NCAM2: variants seen among roughly 807,000 people sequenced by gnomAD.
The protein encoded by NCAM2 is N-CAM-2.
NCAM2 carries 30 observed loss-of-function variants against 98.1 expected under a neutral mutation model. The observed-to-expected ratio is 0.31, with a 90% CI of 0.23 to 0.41. The LOEUF (loss-of-function observed/expected upper bound fraction) is 0.41, where lower values mean the gene tolerates loss of function less well. Ranked by LOEUF, NCAM2 falls within the 10% of genes least tolerant of loss-of-function variation. The pLI is 1.00. For missense variants in NCAM2, 867 were observed against 1,005.8 expected (o/e 0.86, Z 1.87); for synonymous variants, 368 against 342.4 (o/e 1.07, Z -0.83).
At chr21:21,121,495 A>C (rs908409806) in intron 1 of NCAM2, among the ~76,000 whole-genome samples, 2 of 152,180 alleles carry the variant, frequency 1.3e-5, no homozygotes, top group African/African-American at 4.8e-5. Context: ...TGAATGTATG[A>C]ATGACTTTGA....
intron 15 of NCAM2, among the ~76,000 whole-genome samples, chr21:21,504,090 T>C (rs1463821062): frequency 2.0e-5 from 3 of 151,968 alleles, no homozygotes; most frequent in Non-Finnish European, 4.4e-5. Flanking sequence ...ATGTATTTGC[T>C]GTATTGCTGT....
chr21:21,385,371 A>AAC (rs543136137), intron 9 of NCAM2, among the ~76,000 whole-genome samples: 4,498 of 110,184 alleles, frequency 0.041, 188 homozygotes, highest in African/African-American at 0.12. Context: ...CACAATGTTA[A>AAC]ACACACACAC....
intron 9 of NCAM2, among the ~76,000 whole-genome samples, chr21:21,396,648 T>C (rs232441): frequency 0.86 from 131,577 of 152,216 alleles, 57,161 homozygotes; most frequent in African/African-American, 0.96. Context: ...GCCAGGCACT[T>C]CAGCTGCTGT....
At chr21:21,534,981 GATAAA>G (rs1324490369) in intron 17 of NCAM2, among the ~76,000 whole-genome samples, 1 of 151,982 alleles carries the variant, frequency 6.6e-6, no homozygotes, top group Non-Finnish European at 1.5e-5. Context: ...TCTCTTTCAA[GATAAA>G]ATAATTATAT....
intron 15 of NCAM2, among the ~76,000 whole-genome samples, chr21:21,486,744 A>G (rs1053795816): frequency 6.6e-6 from 1 of 152,196 alleles, no homozygotes; most frequent in Non-Finnish European, 1.5e-5. Flanking sequence ...AGTTTTACAT[A>G]TCATAACTCA....
chr21:21,275,181 C>T (rs2072678581), intron 1 of NCAM2, among the ~76,000 whole-genome samples: 3 of 152,130 alleles, frequency 2.0e-5, no homozygotes. Context: ...TGGCTCACGC[C>T]TGTAATCCCA....
intron 16 of NCAM2, among the ~76,000 whole-genome samples, chr21:21,527,593 C>T (rs1412765516): frequency 6.6e-6 from 1 of 151,908 alleles, no homozygotes; most frequent in Non-Finnish European, 1.5e-5. Flanking sequence ...AGTAAATAAG[C>T]TTATGAAAAG....
At chr21:21,098,262 G>A (rs1207381866) in intron 1 of NCAM2, among the ~76,000 whole-genome samples, 1 of 151,546 alleles carries the variant, frequency 6.6e-6, no homozygotes, top group Non-Finnish European at 1.5e-5. Flanking sequence ...TTATAAAAAT[G>A]TGCCTTGGTA....
chr21:21,445,902 T>C (rs1005395164), intron 12 of NCAM2, among the ~76,000 whole-genome samples: 2 of 152,200 alleles, frequency 1.3e-5, no homozygotes, highest in Non-Finnish European at 2.9e-5. Context: ...TTTTGCAAAC[T>C]AGTTGATGCA....
At chr21:21,379,711 T>G (rs2076110082) in intron 9 of NCAM2, among the ~76,000 whole-genome samples, 2 of 152,116 alleles carry the variant, frequency 1.3e-5, no homozygotes. Flanking sequence ...GAAAAGCACA[T>G]ATATTCTGTA....
At chr21:21,440,318 T>C (rs1979045266) in intron 12 of NCAM2, among the ~76,000 whole-genome samples, 1 of 152,172 alleles carries the variant, frequency 6.6e-6, no homozygotes, top group Non-Finnish European at 1.5e-5. Context: ...ATATTAGTAG[T>C]AAATAAACTA....
At chr21:21,509,944 C>A (rs899542306) in intron 16 of NCAM2, among the ~76,000 whole-genome samples, 3 of 152,106 alleles carry the variant, frequency 2.0e-5, no homozygotes, top group Non-Finnish European at 4.4e-5. Context: ...GAGTTCAGGA[C>A]ATTCCCTTTA....
intron 1 of NCAM2, among the ~76,000 whole-genome samples, chr21:21,233,676 A>G (rs1421053412): frequency 6.6e-6 from 1 of 151,728 alleles, no homozygotes; most frequent in Non-Finnish European, 1.5e-5. Flanking sequence ...TTTTGGCATC[A>G]CCCACTATAG....
At chr21:21,188,589 G>A (rs2212624) in intron 1 of NCAM2, among the ~76,000 whole-genome samples, 70,035 of 151,914 alleles carry the variant, frequency 0.46, 16,844 homozygotes, top group South Asian at 0.6. Context: ...TTAATAGTAA[G>A]CAAGACTCTG....
At chr21:21,520,521 AATATC>A (rs1988955805) in intron 16 of NCAM2, among the ~76,000 whole-genome samples, 2 of 152,154 alleles carry the variant, frequency 1.3e-5, no homozygotes, top group African/African-American at 2.4e-5. Flanking sequence ...ATATGTATGA[AATATC>A]AATTGTATTT....
At position 21,533,973 on chromosome 21, in the gene NCAM2, G is replaced by C. The variant is rs568376022; in HGVS notation, c.2283-564G>C. Among the ~76,000 whole-genome samples, 140 of 151,964 alleles carry C rather than the reference G, an allele frequency of 9.2e-4. 1 individual carries two copies. The highest frequency in any genetic ancestry group is 4.4e-5 in the Non-Finnish European group (3 of 67,882). On this transcript the variant is annotated intron_variant, in intron 16 of 17. Coordinates refer to ENST00000400546, the MANE Select transcript of NCAM2 (RefSeq NM_004540.5). ...CTTGAAAAACGTGAATAAGTTAGAA[G>C]TCCATAATCATTTTATAGTTAAGAT...
At chr21:21,224,168 T>C (rs928940192) in intron 1 of NCAM2, among the ~76,000 whole-genome samples, 7 of 152,206 alleles carry the variant, frequency 4.6e-5, no homozygotes, top group Non-Finnish European at 7.3e-5. Flanking sequence ...ATGGGTGTTA[T>C]CAGATACTGC....
chr21:21,015,095 A>G (rs1398556127), intron 1 of NCAM2, among the ~76,000 whole-genome samples: 1 of 152,230 alleles, frequency 6.6e-6, no homozygotes, highest in Non-Finnish European at 1.5e-5. Context: ...ATGGGTAAGC[A>G]AGGAAAGTGA....
intron 15 of NCAM2, among the ~76,000 whole-genome samples, chr21:21,499,012 CAT>C (rs1324183390): frequency 1.3e-5 from 2 of 152,144 alleles, no homozygotes; most frequent in African/African-American, 4.8e-5. Context: ...TCCATCTTCA[CAT>C]GAGTTTTAAA....
Sources: gnomAD v4.1 joint callset for allele counts (sites outside exome capture counted in the v4.1 genomes callset) on GRCh38, gnomAD v4.1.1 for gene constraint, MANE v1.5 for transcripts, NCBI Gene and HGNC (gene_info 2026-07-23, HGNC 2026-07-21) for gene names.